PALLD: variants seen among roughly 807,000 people sequenced by gnomAD.
PALLD encodes the protein palladin.
In PALLD, 61 loss-of-function variants were observed where a neutral mutation model predicts 123.5. The observed-to-expected ratio is 0.49, with a 90% CI of 0.40 to 0.61. The LOEUF is 0.61. Ranked by LOEUF, PALLD falls within the 20% of genes least tolerant of loss-of-function variation. PALLD has a pLI of 0.00. For missense variants in PALLD, 1,273 were observed against 1,377.0 expected (o/e 0.92, Z 1.20); for synonymous variants, 465 against 496.4 (o/e 0.94, Z 0.84).
chr4:168,507,088 C>A (rs1448203406), intron 1 of PALLD, among the ~76,000 whole-genome samples: 2 of 152,146 alleles, frequency 1.3e-5, no homozygotes, highest in African/African-American at 4.8e-5. Context: ...CATCTCAAAT[C>A]TCCTAGACAT....
At chr4:168,762,794 G>T (rs1203933349) in intron 10 of PALLD, among the ~76,000 whole-genome samples, 1 of 152,214 alleles carries the variant, frequency 6.6e-6, no homozygotes, top group Non-Finnish European at 1.5e-5. Flanking sequence ...ATCAATGATA[G>T]ACTACATAAA....
At chr4:168,923,699 G>A in intron 18 of PALLD, among the ~76,000 whole-genome samples, 1 of 152,012 alleles carries the variant, frequency 6.6e-6, no homozygotes, top group Non-Finnish European at 1.5e-5. Flanking sequence ...TAGTTTACAG[G>A]TAACTATTTA....
chr4:168,873,847 C>G (rs114064320), intron 10 of PALLD, among the ~76,000 whole-genome samples: 1 of 152,080 alleles, frequency 6.6e-6, no homozygotes, highest in Non-Finnish European at 1.5e-5. Context: ...GTGCTAGGCA[C>G]GTGATAAGTG....
intron 2 of PALLD, among the ~76,000 whole-genome samples, chr4:168,663,425 C>A (rs756780690): frequency 6.6e-6 from 1 of 152,120 alleles, no homozygotes; most frequent in Non-Finnish European, 1.5e-5. Context: ...CCAGTGGGTT[C>A]TCAAGCACAG....
chr4:168,540,923 C>A (rs1350913071), intron 2 of PALLD, among the ~76,000 whole-genome samples: 1 of 152,144 alleles, frequency 6.6e-6, no homozygotes, highest in Admixed American at 6.5e-5. Flanking sequence ...TCACCTCACC[C>A]CAGCCTTCAT....
chr4:168,819,310 A>C (rs970411349), intron 10 of PALLD, among the ~76,000 whole-genome samples: 1 of 148,894 alleles, frequency 6.7e-6, no homozygotes, highest in Non-Finnish European at 1.5e-5. Flanking sequence ...ATGTAACTGC[A>C]GAGGCTCCGA....
chr4:168,807,300 C>G (rs1369300221), intron 10 of PALLD, among the ~76,000 whole-genome samples: 4 of 151,376 alleles, frequency 2.6e-5, no homozygotes, highest in Non-Finnish European at 5.9e-5. Flanking sequence ...CACACACACA[C>G]AGTGAATGAT....
At chr4:168,860,776 C>G (rs149670771) in intron 10 of PALLD, among the ~76,000 whole-genome samples, 1,784 of 152,252 alleles carry the variant, frequency 0.012, 35 homozygotes, top group Admixed American at 0.038. Context: ...GAGCTGAGAT[C>G]GTGCCACTGC....
At chr4:168,566,481 C>T (rs79585912) in intron 2 of PALLD, among the ~76,000 whole-genome samples, 16,099 of 151,718 alleles carry the variant, frequency 0.11, 928 homozygotes, top group Middle Eastern at 0.16. Flanking sequence ...ATATTTTTGT[C>T]GAGACGGGGT....
Position 168,793,137 on chromosome 4 carries a change from A to G in PALLD, c.1964+81214A>G. Among the ~76,000 whole-genome samples the G allele has an allele frequency of 1.4e-5, 2 of 138,382 alleles. 1 individual carries two copies. The highest frequency in any genetic ancestry group is 3.2e-5 in the Non-Finnish European group (2 of 63,430). 90.8% of individuals were successfully genotyped at this position (138,382 alleles called of 152,430 possible). A position where few individuals can be genotyped will look rare whatever the true frequency, so the allele number is the denominator to read the frequency against. ...TTTATATATGTGTGTGCATATATAT[A>G]CATATATATGTGTGCATATATATAC... On this transcript the variant is annotated intron_variant, in intron 10 of 21. Transcript: ENST00000505667.
intron 1 of PALLD, among the ~76,000 whole-genome samples, chr4:168,508,091 T>C (rs749328534): frequency 6.6e-6 from 1 of 152,182 alleles, no homozygotes. Context: ...GCAGGATGAC[T>C]ATAGCTAACA....
At chr4:168,663,873 A>T (rs2149991941) in intron 2 of PALLD, among the ~76,000 whole-genome samples, 1 of 152,356 alleles carries the variant, frequency 6.6e-6, no homozygotes, top group African/African-American at 2.4e-5. Flanking sequence ...GCAATTTTTA[A>T]CTTTTAAAAT....
At chr4:168,589,438 G>C (rs745950346) in intron 2 of PALLD, among the ~76,000 whole-genome samples, 1 of 151,984 alleles carries the variant, frequency 6.6e-6, no homozygotes, top group Non-Finnish European at 1.5e-5. Context: ...GCCATTTTTT[G>C]TCCGTTTCCT....
chr4:168,595,792 G>C (rs1429741764), intron 2 of PALLD, among the ~76,000 whole-genome samples: 1 of 152,004 alleles, frequency 6.6e-6, no homozygotes, highest in Admixed American at 6.6e-5. Flanking sequence ...CAGAATGCCA[G>C]GGTGAGGGTA....
intron 10 of PALLD, among the ~76,000 whole-genome samples, chr4:168,726,225 T>C (rs1437071510): frequency 6.6e-6 from 1 of 152,162 alleles, no homozygotes; most frequent in Non-Finnish European, 1.5e-5. Context: ...GAATTTTTTA[T>C]TTTTACTAAA....
chr4:168,884,987 G>A (rs949235919), intron 10 of PALLD, among the ~76,000 whole-genome samples: 5 of 152,190 alleles, frequency 3.3e-5, no homozygotes, highest in Admixed American at 6.5e-5. Flanking sequence ...GAGACATATG[G>A]TCATTAGGTC....
intron 10 of PALLD, among the ~76,000 whole-genome samples, chr4:168,757,598 C>T (rs1385286442): frequency 6.6e-6 from 1 of 152,206 alleles, no homozygotes. Flanking sequence ...AATCTCAGGA[C>T]AGTTCCATGT....
intron 10 of PALLD, among the ~76,000 whole-genome samples, chr4:168,882,964 CCTGTA>C (rs1361808809): frequency 2.0e-5 from 3 of 152,010 alleles, no homozygotes; most frequent in Admixed American, 6.6e-5. Flanking sequence ...GTGGTGTGCA[CCTGTA>C]GTCCCAGCTA....
At chr4:168,594,260 T>C (rs1457545981) in intron 2 of PALLD, among the ~76,000 whole-genome samples, 34 of 152,114 alleles carry the variant, frequency 2.2e-4, no homozygotes, top group Admixed American at 2.2e-3. Flanking sequence ...AAGATGGAAT[T>C]TGATGATCAG....
Sources: allele counts gnomAD v4.1 joint callset (sites outside exome capture counted in the v4.1 genomes callset), GRCh38; gene constraint gnomAD v4.1.1; transcripts MANE v1.5; gene names NCBI Gene and HGNC (gene_info 2026-07-23, HGNC 2026-07-21).